Variants in MRPL22 observed in about 807,000 individuals in gnomAD.
MRPL22 encodes large ribosomal subunit protein uL22m.
Under a neutral mutation model 32.4 loss-of-function variants are expected in MRPL22, and 27 were observed. The ratio of observed to expected loss-of-function variants is 0.83; its 90% CI spans 0.61 to 1.15. MRPL22 has a LOEUF of 1.15. Ranked by LOEUF, MRPL22 falls within the 50% of genes most tolerant of loss-of-function variation. MRPL22 has a pLI of 0.00. For synonymous variants in MRPL22, 86 were observed against 87.3 expected (o/e 0.99, Z 0.08); for missense variants, 239 against 260.2 (o/e 0.92, Z 0.56).
intron 6 of MRPL22, among the ~76,000 whole-genome samples, chr5:154,961,514 G>C (rs1764700922): frequency 6.6e-6 from 1 of 152,138 alleles, no homozygotes; most frequent in Non-Finnish European, 1.5e-5. Flanking sequence ...AATGAAATAT[G>C]ATTTGTCTTT....
rs190808654 is a variant in MRPL22, at chr5:154,953,848, G to A, written c.196-2523G>A. ...ATTACAGGTGTGTGCCACCACGCCC[G>A]GCTAATTTTGTATTTTTAGTAGAGA... is the stretch of plus-strand genomic sequence containing the variant. On this transcript the variant is annotated intron_variant, in intron 3 of 6. Coordinates refer to ENST00000523037, the MANE Select transcript of MRPL22 (RefSeq NM_014180.4). Among the ~76,000 whole-genome samples, 311 of 150,692 alleles carry A rather than the reference G, an allele frequency of 2.1e-3. 2 individuals are homozygous for A. The highest frequency in any genetic ancestry group is 7.4e-3 in the African/African-American group (305 of 40,988).
At chr5:154,953,843 C>T (rs372202149) in intron 3 of MRPL22, among the ~76,000 whole-genome samples, 25 of 151,770 alleles carry the variant, frequency 1.6e-4, no homozygotes, top group African/African-American at 1.9e-4. Context: ...TGTGCCACCA[C>T]GCCCGGCTAA....
intron 6 of MRPL22, among the ~76,000 whole-genome samples, chr5:154,961,860 A>C (rs1169681917): frequency 6.6e-6 from 1 of 151,752 alleles, no homozygotes; most frequent in African/African-American, 2.4e-5. Flanking sequence ...CTAATTTTAA[A>C]ATTTTTTGTA....
chr5:154,958,847 A>G (rs1764666029), intron 5 of MRPL22, among the ~76,000 whole-genome samples: 2 of 152,030 alleles, frequency 1.3e-5, no homozygotes, highest in Non-Finnish European at 2.9e-5. Context: ...GCCTGGCCCA[A>G]TTGTCATATT....
intron 5 of MRPL22, among the ~76,000 whole-genome samples, chr5:154,957,914 C>CTTTTTTTTTTTTT (rs912216773): frequency 5.0e-5 from 6 of 120,864 alleles, no homozygotes; most frequent in Non-Finnish European, 6.9e-5. Flanking sequence ...ATATATTTTT[C>CTTTTTTTTTTTTT]TTTTTTTTTT....
At position 154,968,321 on chromosome 5, in the gene MRPL22, G is replaced by A. The variant is rs1464067664; in HGVS notation, c.*1424G>A. 1 of 152,196 alleles carries A rather than the reference G, an allele frequency of 6.6e-6. No homozygotes were observed. Among genetic ancestry groups the A allele is most frequent in the Non-Finnish European group, 1.5e-5 (1 of 68,044 alleles). 9.4% of individuals were successfully genotyped at this position (152,196 alleles called of 1,614,324 possible). A position where few individuals can be genotyped will look rare whatever the true frequency, so the allele number is the denominator to read the frequency against. ...AAGGTGTAGGACAGATTCATTCTGG[G>A]TCCTAAGCTGTTGTAGCATGGAGTC... On this transcript the variant is annotated 3_prime_UTR_variant, in exon 7 of 7. Transcript: ENST00000523037.
intron 5 of MRPL22, 86 bp from the exon 6 acceptor site, chr5:154,959,894 A>G (rs1764679337): frequency 2.3e-6 from 2 of 855,038 alleles, no homozygotes; most frequent in Non-Finnish European, 3.8e-6. Flanking sequence ...TAGCAGTCAT[A>G]GTACAGAGAT....
chr5:154,964,031 G>A (rs1033782636), intron 6 of MRPL22, among the ~76,000 whole-genome samples: 2 of 152,194 alleles, frequency 1.3e-5, no homozygotes, highest in African/African-American at 4.8e-5. Flanking sequence ...AATGGGAAGG[G>A]TAGATTGGGC....
intron 3 of MRPL22, among the ~76,000 whole-genome samples, chr5:154,951,806 C>G (rs550979571): frequency 6.6e-6 from 1 of 151,424 alleles, no homozygotes; most frequent in Non-Finnish European, 1.5e-5. Context: ...CACAATTGCA[C>G]AAATATCATA....
intron 2 of MRPL22, among the ~76,000 whole-genome samples, chr5:154,948,216 T>G (rs1482409121): frequency 6.6e-6 from 1 of 152,216 alleles, no homozygotes; most frequent in Non-Finnish European, 1.5e-5. Context: ...GTACTCTCCC[T>G]CATCATATTT....
Position 154,945,205 on chromosome 5 carries a change from G to A in MRPL22, c.77+3940G>A, listed in dbSNP as rs62382238. On this transcript the variant is annotated intron_variant, in intron 2 of 6. Transcript: ENST00000523037. ...ATGAGATCATGGTGGCTTGGATTAG[G>A]GTGGCCGTGAAGGTAAGTGAATGGT... 9.0e-3 allele frequency among the ~76,000 whole-genome samples: 1,367 copies of A among 152,250 alleles called. 9 individuals are homozygous for A. Among genetic ancestry groups the A allele is most frequent in the Non-Finnish European group, 0.016 (1,082 of 68,012 alleles).
intron 2 of MRPL22, among the ~76,000 whole-genome samples, chr5:154,945,079 C>G (rs1764471654): frequency 6.6e-6 from 1 of 152,074 alleles, no homozygotes; most frequent in Non-Finnish European, 1.5e-5. Flanking sequence ...TATGATCTGA[C>G]TTATGTTTAT....
chr5:154,957,693 T>G (rs1434734480), intron 5 of MRPL22, among the ~76,000 whole-genome samples: 1 of 152,080 alleles, frequency 6.6e-6, no homozygotes, highest in Non-Finnish European at 1.5e-5. Flanking sequence ...AGACTTGGAC[T>G]CTAGTCCTTT....
Position 154,966,976 on chromosome 5 carries a change from T to C in MRPL22, c.*79T>C, listed in dbSNP as rs1764778824. 7.3e-7 allele frequency: 1 copy of C among 1,361,340 alleles called. No individual in the cohort carries two copies. The highest frequency in any genetic ancestry group is 1.5e-5 in the African/African-American group (1 of 68,156). The allele number at this position is 1,361,340 out of a possible 1,614,324, so 84.3% of individuals were successfully genotyped here. A position where few individuals can be genotyped will look rare whatever the true frequency, so the allele number is the denominator to read the frequency against. On this transcript the variant is annotated 3_prime_UTR_variant, in exon 7 of 7. Coordinates refer to ENST00000523037, the MANE Select transcript of MRPL22 (RefSeq NM_014180.4). ...TAAACAAAAATTGAAGGCAAATGCT[T>C]TTTATGATTTCTCATTGAATTATTG...
At chr5:154,941,447 C>T (rs1464041402) in intron 2 of MRPL22, among the ~76,000 whole-genome samples, 182 bp downstream of exon 2, 2 of 152,182 alleles carry the variant, frequency 1.3e-5, no homozygotes, top group Non-Finnish European at 2.9e-5. Context: ...ATAAACTGTA[C>T]AGGGATCAGG....
At chr5:154,941,710 C>T (rs571855794) in intron 2 of MRPL22, among the ~76,000 whole-genome samples, 1 of 152,202 alleles carries the variant, frequency 6.6e-6, no homozygotes, top group Admixed American at 6.5e-5. Flanking sequence ...TCTGCTATAC[C>T]CGTTTTTCAG....
chr5:154,966,166 T>C (rs1214869631), intron 6 of MRPL22, among the ~76,000 whole-genome samples: 1 of 152,228 alleles, frequency 6.6e-6, no homozygotes, highest in African/African-American at 2.4e-5. Flanking sequence ...TTCAGCATGG[T>C]AGTCTTCTTT....
At chr5:154,955,619 T>G (rs374319398) in intron 3 of MRPL22, 68 of 152,326 alleles carry the variant, frequency 4.5e-4, no homozygotes, top group African/African-American at 1.5e-3. Context: ...ATCCCTCAAC[T>G]CATAGAGTTA....
chr5:154,941,609 G>A (rs1182693428), intron 2 of MRPL22, among the ~76,000 whole-genome samples: 1 of 152,208 alleles, frequency 6.6e-6, no homozygotes, highest in Admixed American at 6.5e-5. Flanking sequence ...CAGGGACCGT[G>A]TTGTGGACAA....
Sources: allele counts gnomAD v4.1 joint callset (sites outside exome capture counted in the v4.1 genomes callset), GRCh38; gene constraint gnomAD v4.1.1; transcripts MANE v1.5; gene names NCBI Gene and HGNC (gene_info 2026-07-23, HGNC 2026-07-21).